The following CFAP100 variants were observed in gnomAD, a reference collection of about 807,000 sequenced individuals.
CFAP100 encodes cilia- and flagella-associated protein 100.
Under a neutral mutation model 81.5 loss-of-function variants are expected in CFAP100, and 70 were observed. The observed-to-expected ratio is 0.86, with a 90% CI of 0.71 to 1.05. The LOEUF (loss-of-function observed/expected upper bound fraction) is 1.05. Among genes scored for constraint, CFAP100 ranks in the 50% least tolerant of loss-of-function variants. CFAP100 has a pLI of 0.00. For missense variants in CFAP100, 811 were observed against 776.5 expected (o/e 1.04, Z -0.53); for synonymous variants, 341 against 314.8 (o/e 1.08, Z -0.88).
intron 4 of CFAP100, chr3:126,414,419 A>G: frequency 1.6e-6 from 1 of 631,178 alleles, no homozygotes; most frequent in Non-Finnish European, 2.8e-6. Flanking sequence ...GGTCAGATAG[A>G]CTTCTTGGGC....
chr3:126,398,762 T>C (rs182924058), intron 2 of CFAP100, among the ~76,000 whole-genome samples: 81 of 152,294 alleles, frequency 5.3e-4, no homozygotes, highest in Non-Finnish European at 7.4e-4. Context: ...CATCCACACA[T>C]GCAGCCCACA....
Position 126,423,368 on chromosome 3 carries a change from G to A in CFAP100, c.1126G>A (p.Asp376Asn), listed in dbSNP as rs755426846. 13 of 1,613,532 alleles carry A rather than the reference G, an allele frequency of 8.1e-6. No individual in the cohort carries two copies. Among genetic ancestry groups the A allele is most frequent in the South Asian group, 4.4e-5 (4 of 90,992 alleles). The change falls in exon 12 of 17, where the codon GAT becomes AAT. Residue 376 changes from aspartate to asparagine, a missense_variant. Coordinates refer to ENST00000352312, the MANE Select transcript of CFAP100 (RefSeq NM_182628.3). ...IPPTQEDTDS[D>N]GEEPQLYFTE... ...CCCCACGCAGGAGGACACCGACAGC[G>A]ATGGGGAGGTGAATGGCCCAGTGCT...
intron 3 of CFAP100, among the ~76,000 whole-genome samples, chr3:126,408,119 G>GAGTTTC (rs1253280326): frequency 6.6e-6 from 1 of 152,098 alleles, no homozygotes; most frequent in African/African-American, 2.4e-5. Flanking sequence ...TGGAGCCAAC[G>GAGTTTC]AGTTTCACAG....
rs565242404 is a variant in CFAP100 at position 126,419,964 on chromosome 3, C to T, written c.914-16C>T. On this transcript the variant is annotated splice_polypyrimidine_tract_variant and intron_variant, in intron 9 of 16. Transcript: ENST00000352312. Reference sequence around the variant, plus strand: ...TGCAGCTGAGGCCATCGGGGCCCCCCCTTTGCTTCCTGCAGGACCAGGGAT... The same window carrying T: ...TGCAGCTGAGGCCATCGGGGCCCCCTCTTTGCTTCCTGCAGGACCAGGGAT... The T allele has an allele frequency of 9.4e-5, 151 of 1,612,800 alleles. No homozygotes were observed. The highest frequency in any genetic ancestry group is 1.2e-4 in the Non-Finnish European group (145 of 1,179,900).
intron 14 of CFAP100, chr3:126,433,719 C>T (rs1029410983): frequency 8.0e-5 from 15 of 188,176 alleles, no homozygotes; most frequent in South Asian, 2.2e-4. Flanking sequence ...AGCAAGACAG[C>T]GCTCCCGATA....
intron 2 of CFAP100, among the ~76,000 whole-genome samples, chr3:126,398,123 G>A (rs1372008866): frequency 1.3e-5 from 2 of 152,078 alleles, no homozygotes; most frequent in African/African-American, 4.8e-5. Flanking sequence ...TGATGAGAAC[G>A]CTGTTCCCTA....
chr3:126,434,666 T>C (rs1447811503), intron 15 of CFAP100: 1 of 395,938 alleles, frequency 2.5e-6, no homozygotes, highest in Admixed American at 4.2e-5. Flanking sequence ...TTAGTTAGAG[T>C]GTGGCTAGCA....
intron 2 of CFAP100, among the ~76,000 whole-genome samples, chr3:126,398,651 G>A (rs935453742): frequency 7.2e-5 from 11 of 152,362 alleles, no homozygotes; most frequent in African/African-American, 2.4e-4. Context: ...CTGGAGGCAG[G>A]AGTTTAATTT....
rs184223869 is a variant in CFAP100, at chr3:126,419,636, G to T, written c.732-1G>T. 2.9e-5 allele frequency: 46 copies of T among 1,613,404 alleles called. No individual in the cohort carries two copies. The East Asian group carries it at 3.8e-4, about 13-fold the overall frequency. ...CACATCCTCACCCCGCCCCGGTGTA[G>T]TGAGATCTCCAGATTTGAAGACACT... On this transcript the variant is annotated splice_acceptor_variant, in intron 8 of 16. Transcript: ENST00000352312. LOFTEE classifies it high-confidence loss of function.
Position 126,407,123 on chromosome 3 carries a change from A to C in CFAP100, c.50-49A>C, listed in dbSNP as rs370693178. The C allele has an allele frequency of 1.9e-4, 249 of 1,343,822 alleles. 3 individuals are homozygous for C. The highest frequency in any genetic ancestry group is 2.5e-4 in the Non-Finnish European group (232 of 941,802). The allele number at this position is 1,343,822 out of a possible 1,614,324, so 83.2% of individuals were successfully genotyped here. A position where few individuals can be genotyped will look rare whatever the true frequency, so the allele number is the denominator to read the frequency against. On this transcript the variant is annotated intron_variant, in intron 2 of 16. Coordinates refer to ENST00000352312, the MANE Select transcript of CFAP100 (RefSeq NM_182628.3). ...GCCTCAGGCTGTGTTCACAGTTCTC[A>C]TGGGCCAGGGGAGTCACTGCTGCGG...
At chr3:126,423,226 G>A in intron 11 of CFAP100, 99 bp from the exon 12 acceptor site, 2 of 947,246 alleles carry the variant, frequency 2.1e-6, no homozygotes, top group Non-Finnish European at 3.2e-6. Flanking sequence ...GAGGAGGGAT[G>A]GGGATGCTGC....
At chr3:126,406,022 A>G (rs2083056956) in intron 2 of CFAP100, among the ~76,000 whole-genome samples, 1 of 152,156 alleles carries the variant, frequency 6.6e-6, no homozygotes, top group Non-Finnish European at 1.5e-5. Flanking sequence ...CTTCTGATTT[A>G]TATGATATGG....
chr3:126,433,018 C>T, intron 13 of CFAP100, 51 bp from the exon 14 acceptor site: 1 of 1,606,708 alleles, frequency 6.2e-7, no homozygotes, highest in South Asian at 1.1e-5. Context: ...AAGCGATGTG[C>T]CCAGGGCTGT....
chr3:126,426,670 A>G (rs1224616949), intron 13 of CFAP100, among the ~76,000 whole-genome samples: 1 of 152,176 alleles, frequency 6.6e-6, no homozygotes, highest in African/African-American at 2.4e-5. Flanking sequence ...GAATCACTTG[A>G]ACTTGGGAGG....
At chr3:126,435,806 C>A (rs1168403483) in intron 16 of CFAP100, among the ~76,000 whole-genome samples, 154 bp downstream of exon 16, 1 of 152,178 alleles carries the variant, frequency 6.6e-6, no homozygotes, top group African/African-American at 2.4e-5. Context: ...AAGGCCTCTC[C>A]CAGGACCTGC....
chr3:126,434,830 G>A (rs1344990476), intron 15 of CFAP100, among the ~76,000 whole-genome samples: 1 of 152,220 alleles, frequency 6.6e-6, no homozygotes, highest in East Asian at 1.9e-4. Context: ...CAGGAGAGAA[G>A]GCATGGCTAC....
intron 2 of CFAP100, among the ~76,000 whole-genome samples, chr3:126,402,418 G>A (rs1200192345): frequency 1.3e-5 from 2 of 152,334 alleles, no homozygotes; most frequent in East Asian, 3.9e-4. Flanking sequence ...AGGGGGACGT[G>A]GGCAGGAGCC....
chr3:126,432,282 CAAA>C (rs58421889), intron 13 of CFAP100, among the ~76,000 whole-genome samples: 75 of 76,724 alleles, frequency 9.8e-4, no homozygotes, highest in Middle Eastern at 9.4e-3. Context: ...GACTCCGTCT[CAAA>C]AAAAAAAAAA....
rs780785660 is a variant in CFAP100, at chr3:126,433,118, T to A, written c.1336T>A (p.Ser446Thr). The A allele has an allele frequency of 6.2e-6, 10 of 1,614,106 alleles. No homozygotes were observed. In the Admixed American group the frequency reaches 1.7e-4, roughly 27 times the overall value. Reference protein sequence around the residue: ...LKQWVTTMMMSITKEEDTAAE... With the variant: ...LKQWVTTMMMTITKEEDTAAE... ...GCAGTGGGTCACCACAATGATGATG[T>A]CCATCACCAAGGAGGAGGACACAGC... is the stretch of plus-strand genomic sequence containing the variant. Residue 446 changes from serine (S) to threonine (T), a missense_variant, in exon 14 of 17, where the codon TCC (serine) becomes ACC (threonine). Physicochemically the swap from Ser to Thr is moderately conservative, Grantham distance 58. Coordinates refer to ENST00000352312, the MANE Select transcript of CFAP100 (RefSeq NM_182628.3).
Sources: allele counts gnomAD v4.1 joint callset (sites outside exome capture counted in the v4.1 genomes callset), GRCh38; gene constraint gnomAD v4.1.1; transcripts MANE v1.5; gene names NCBI Gene and HGNC (gene_info 2026-07-23, HGNC 2026-07-21).